The following GARRE1 variants were observed in gnomAD, a reference collection of about 807,000 sequenced individuals.
The protein encoded by GARRE1 is granule associated Rac and RHOG effector 1, also known as granule associated Rac and RHOG effector protein 1.
Under a neutral mutation model 103.2 loss-of-function variants are expected in GARRE1, and 49 were observed. That is an observed-to-expected ratio of 0.47 (90% CI 0.38 to 0.60). The LOEUF is 0.60. Among genes scored for constraint, GARRE1 ranks in the 20% least tolerant of loss-of-function variants. The probability of loss-of-function intolerance (pLI) is 0.00; values close to 1 mark genes in which losing one functional copy is unlikely to be tolerated. For synonymous variants in GARRE1, 505 were observed against 532.8 expected (o/e 0.95, Z 0.72); for missense variants, 1,199 against 1,370.5 (o/e 0.87, Z 1.98).
intron 1 of GARRE1, among the ~76,000 whole-genome samples, chr19:34,268,325 G>A (rs1375828074): frequency 1.3e-5 from 2 of 152,124 alleles, no homozygotes; most frequent in Non-Finnish European, 2.9e-5. Flanking sequence ...GTGGTGGTTT[G>A]TATGTGTTTG....
chr19:34,259,214 G>T (rs752925270), intron 1 of GARRE1, among the ~76,000 whole-genome samples: 83 of 152,306 alleles, frequency 5.4e-4, no homozygotes, highest in Admixed American at 1.2e-3. Flanking sequence ...ACTTATCAAG[G>T]TGTCCTGTCC....
intron 1 of GARRE1, among the ~76,000 whole-genome samples, chr19:34,276,668 T>C (rs2073818857): frequency 6.6e-6 from 1 of 152,226 alleles, no homozygotes; most frequent in Admixed American, 6.5e-5. Context: ...TCATATCATC[T>C]GTCTTAAGGT....
chr19:34,300,895 A>G lies in GARRE1; in HGVS notation c.422A>G (p.Lys141Arg). ...LTSAIKPEIAKMLMELSAGAA... is the reference protein window; with the variant it reads ...LTSAIKPEIARMLMELSAGAA... ...TCGGCCATAAAGCCTGAGATCGCCAAGATGCTAATGGAACTTAGTGCTGGG... is the reference window on the plus strand; with the variant it reads ...TCGGCCATAAAGCCTGAGATCGCCAGGATGCTAATGGAACTTAGTGCTGGG... The change falls in exon 2 of 14, where the codon AAG (lysine) becomes AGG (arginine). Residue 141 changes from lysine to arginine, a missense_variant. Physicochemically the swap from Lys to Arg is conservative, Grantham distance 26 (BLOSUM62 2). Transcript: ENST00000299505. 1 of 1,610,806 alleles carries G rather than the reference A, an allele frequency of 6.2e-7. No homozygotes were observed. Among genetic ancestry groups the G allele is most frequent in the Non-Finnish European group, 8.5e-7 (1 of 1,180,028 alleles).
At chr19:34,272,302 C>G (rs1222917585) in intron 1 of GARRE1, among the ~76,000 whole-genome samples, 1 of 152,136 alleles carries the variant, frequency 6.6e-6, no homozygotes, top group Admixed American at 6.5e-5. Context: ...CAACATCTGC[C>G]TCCTGGGTTC....
chr19:34,338,565 A>G (rs1599779733), intron 8 of GARRE1, among the ~76,000 whole-genome samples: 1 of 152,162 alleles, frequency 6.6e-6, no homozygotes, highest in Non-Finnish European at 1.5e-5. Flanking sequence ...CTCTTGGTGT[A>G]GGTACCCTGA....
At chr19:34,345,562 G>A (rs1286458980) in intron 10 of GARRE1, among the ~76,000 whole-genome samples, 2 of 152,210 alleles carry the variant, frequency 1.3e-5, no homozygotes, top group Non-Finnish European at 2.9e-5. Context: ...GCTCATGCCT[G>A]TAGTCTCAGC....
chr19:34,267,772 G>GT (rs911337082), intron 1 of GARRE1, among the ~76,000 whole-genome samples: 6 of 147,772 alleles, frequency 4.1e-5, no homozygotes, highest in South Asian at 2.2e-4. Context: ...TTGCTTTGTG[G>GT]TTTTTTTGTT....
intron 1 of GARRE1, chr19:34,296,714 T>C: frequency 8.4e-6 from 6 of 717,070 alleles, no homozygotes; most frequent in South Asian, 6.3e-5. Context: ...ACTGGTTGTG[T>C]GTGGTATGGT....
chr19:34,352,999 G>A lies in GARRE1; in HGVS notation c.*44G>A. 6.8e-7 allele frequency: 1 copy of A among 1,473,216 alleles called. No individual in the cohort carries two copies. Among genetic ancestry groups the A allele is most frequent in the South Asian group, 1.4e-5 (1 of 74,050 alleles). The allele number at this position is 1,473,216 out of a possible 1,614,324, so 91.3% of individuals were successfully genotyped here. ...GCCTGCCTGCCTGCCTGCCCGCCCAGAGCTGTGGGGATGAGTGTCCCCACC... is the reference window on the plus strand; with the variant it reads ...GCCTGCCTGCCTGCCTGCCCGCCCAAAGCTGTGGGGATGAGTGTCCCCACC... On this transcript the variant is annotated 3_prime_UTR_variant, in exon 14 of 14. Transcript: ENST00000299505.
intron 2 of GARRE1, among the ~76,000 whole-genome samples, chr19:34,304,591 T>C (rs868249485): frequency 9.2e-5 from 14 of 151,686 alleles, no homozygotes; most frequent in Admixed American, 2.0e-4. Flanking sequence ...TTGACTAGGC[T>C]GGTCTCAAAC....
intron 1 of GARRE1, among the ~76,000 whole-genome samples, chr19:34,277,313 G>T (rs923955224): frequency 6.6e-6 from 1 of 152,090 alleles, no homozygotes; most frequent in Non-Finnish European, 1.5e-5. Flanking sequence ...GAGATTAAAA[G>T]GTTGGCAGAA....
intron 1 of GARRE1, among the ~76,000 whole-genome samples, chr19:34,286,226 T>C (rs2073885214): frequency 6.6e-6 from 1 of 152,160 alleles, no homozygotes; most frequent in Non-Finnish European, 1.5e-5. Context: ...TTCTGTATTA[T>C]TATTATTTTT....
intron 1 of GARRE1, among the ~76,000 whole-genome samples, chr19:34,291,158 T>C (rs926777899): frequency 6.6e-6 from 1 of 152,060 alleles, no homozygotes; most frequent in Non-Finnish European, 1.5e-5. Context: ...TCCACCCACC[T>C]CAGCCTCCCA....
chr19:34,311,683 T>C (rs1290341321), intron 2 of GARRE1, among the ~76,000 whole-genome samples: 1 of 152,208 alleles, frequency 6.6e-6, no homozygotes, highest in Non-Finnish European at 1.5e-5. Context: ...CGATCTCGGC[T>C]CACTGCAACC....
intron 1 of GARRE1, among the ~76,000 whole-genome samples, chr19:34,299,470 G>A (rs1171686391): frequency 6.6e-6 from 1 of 152,032 alleles, no homozygotes; most frequent in African/African-American, 2.4e-5. Flanking sequence ...ATACTTTTTT[G>A]GTTGCATTGT....
intron 3 of GARRE1, among the ~76,000 whole-genome samples, chr19:34,321,619 A>G (rs1001630822): frequency 3.9e-5 from 6 of 151,948 alleles, no homozygotes; most frequent in African/African-American, 1.5e-4. Flanking sequence ...ATGCCCGGCT[A>G]ATTTTTGTAT....
At chr19:34,280,583 C>T (rs2073845794) in intron 1 of GARRE1, among the ~76,000 whole-genome samples, 1 of 151,930 alleles carries the variant, frequency 6.6e-6, no homozygotes, top group Admixed American at 6.6e-5. Flanking sequence ...TTTTTTGTTG[C>T]CTGTGCTTTT....
In GARRE1 at chr19:34,300,824, C is replaced by CA. The variant is rs778928865; in HGVS notation, c.354dup (p.Asp119ArgfsTer20). 1 of 1,614,190 alleles carries CA rather than the reference C, an allele frequency of 6.2e-7. No homozygotes were observed. Among genetic ancestry groups the CA allele is most frequent in the Non-Finnish European group, 8.5e-7 (1 of 1,180,044 alleles). On this transcript the variant is annotated frameshift_variant, in exon 2 of 14. Coordinates refer to ENST00000299505, the MANE Select transcript of GARRE1 (RefSeq NM_014686.5). LOFTEE classifies it high-confidence loss of function. ...ACTACTCAAAGGCAGCCACACAGCT[C>CA]AAAGATGTGCAGGAGCATGTCATGG...
chr19:34,275,536 T>G (rs2073812071), intron 1 of GARRE1, among the ~76,000 whole-genome samples: 1 of 152,180 alleles, frequency 6.6e-6, no homozygotes, highest in South Asian at 2.1e-4. Flanking sequence ...GTTTTCAAGG[T>G]TCATCCATGT....
Sources: gnomAD v4.1 joint callset for allele counts (sites outside exome capture counted in the v4.1 genomes callset) on GRCh38, gnomAD v4.1.1 for gene constraint, MANE v1.5 for transcripts, NCBI Gene and HGNC (gene_info 2026-07-23, HGNC 2026-07-21) for gene names.